Variants in PHKA1 observed in about 807,000 individuals in gnomAD.
The protein encoded by PHKA1 is phosphorylase kinase regulatory subunit alpha 1, also known as phosphorylase b kinase regulatory subunit alpha, skeletal muscle isoform.
PHKA1 carries 60 observed loss-of-function variants against 110.2 expected under a neutral mutation model. The ratio of observed to expected loss-of-function variants is 0.54; its 90% confidence interval spans 0.44 to 0.68. PHKA1 has a LOEUF of 0.68. PHKA1 is among the 30% of genes least tolerant of loss of function. The pLI, the probability that PHKA1 is intolerant of heterozygous loss-of-function variation, is 0.00. For synonymous variants in PHKA1, 316 were observed against 333.6 expected (o/e 0.95, Z 0.58); for missense variants, 801 against 942.5 (o/e 0.85, Z 1.97).
At chrX:72,653,331 A>T in intron 11 of PHKA1, 104 bp downstream of exon 11, 1 of 552,639 alleles carries the variant, frequency 1.8e-6, no homozygotes, top group Non-Finnish European at 3.2e-6. Flanking sequence ...AGCTTTCAGA[A>T]CAACAAAATA....
In PHKA1 at chrX:72,657,722, T is replaced by G. The variant is rs2147768447; in HGVS notation, c.865-81A>C. The G allele has an allele frequency of 1.1e-5, 8 of 757,295 alleles. No individual in the cohort carries two copies. The South Asian group carries it at 1.8e-4, about 17-fold the overall frequency. 62.4% of individuals were successfully genotyped at this position (757,295 alleles called of 1,213,427 possible). On this transcript the variant is annotated intron_variant, in intron 8 of 31. Coordinates refer to ENST00000373542, the MANE Select transcript of PHKA1 (RefSeq NM_002637.4). Reference sequence around the variant, plus strand: ...TAATCAGAAATACATCCTTGCAACATCTATATGTACCACCAACCTATCACC... The same window carrying G: ...TAATCAGAAATACATCCTTGCAACAGCTATATGTACCACCAACCTATCACC...
chrX:72,708,946 T>C (rs890831217), intron 2 of PHKA1, among the ~76,000 whole-genome samples: 36 of 111,769 alleles, frequency 3.2e-4, no homozygotes, highest in African/African-American at 1.2e-3. Context: ...GGGTGGTTGG[T>C]AGAATGGAGA....
chrX:72,671,983 C>T (rs1369254469), intron 6 of PHKA1, among the ~76,000 whole-genome samples: 8 of 111,951 alleles, frequency 7.1e-5, no homozygotes, highest in African/African-American at 2.6e-4. Context: ...CCATAAAAAC[C>T]CTAGAAGAAA....
At chrX:72,647,533 T>C (rs1376677284) in intron 13 of PHKA1, among the ~76,000 whole-genome samples, 1 of 111,767 alleles carries the variant, frequency 8.9e-6, no homozygotes, top group Non-Finnish European at 1.9e-5. Flanking sequence ...TCAAGGAGAA[T>C]ACATAGAGAA....
Position 72,714,044 on chromosome X carries a change from C to T in PHKA1, c.-164G>A, listed in dbSNP as rs2054426839. Reference sequence around the variant, plus strand: ...CGCTCAGGCCTGGCGCCGCGGATTCCGCGTACCTCTCCGGACTCCGGCGGC... The same window carrying T: ...CGCTCAGGCCTGGCGCCGCGGATTCTGCGTACCTCTCCGGACTCCGGCGGC... On this transcript the variant is annotated 5_prime_UTR_variant, in exon 1 of 32. Coordinates refer to ENST00000373542, the MANE Select transcript of PHKA1 (RefSeq NM_002637.4). 2.0e-6 allele frequency: 1 copy of T among 498,461 alleles called. No homozygotes were observed. Among genetic ancestry groups the T allele is most frequent in the Non-Finnish European group, 3.5e-6 (1 of 286,784 alleles). The allele number at this position is 498,461 out of a possible 1,213,427, so 41.1% of individuals were successfully genotyped here.
At chrX:72,630,352 C>T (rs1386518359) in intron 16 of PHKA1, among the ~76,000 whole-genome samples, 1 of 109,029 alleles carries the variant, frequency 9.2e-6, no homozygotes, top group Non-Finnish European at 1.9e-5. Flanking sequence ...TGGAGAAAGT[C>T]TATTGTATTT....
chrX:72,587,486 A>T (rs1259521239), intron 29 of PHKA1, among the ~76,000 whole-genome samples: 10 of 111,964 alleles, frequency 8.9e-5, no homozygotes, highest in Non-Finnish European at 1.9e-4. Flanking sequence ...AACATGCCAA[A>T]TTGTAAAGAC....
At chrX:72,689,442 G>T (rs1556320080) in intron 4 of PHKA1, among the ~76,000 whole-genome samples, 3 of 111,120 alleles carry the variant, frequency 2.7e-5, no homozygotes, top group Non-Finnish European at 5.7e-5. Context: ...TTTATGTCTG[G>T]GTTCTTTCAC....
Position 72,656,159 on chromosome X carries a change from G to A in PHKA1, c.1002C>T (p.Tyr334=). 1 of 1,210,110 alleles carries A rather than the reference G, an allele frequency of 8.3e-7. No individual in the cohort carries two copies. Among genetic ancestry groups the A allele is most frequent in the Non-Finnish European group, 1.1e-6 (1 of 893,915 alleles). ...IECEWPLFWT[Y]FILDGVFSGN... Reference sequence around the variant, plus strand: ...CACTGAAGACCCCATCAAGAATAAAGTATGTCCAGAACAATGGCCATTCAC... The same window carrying A: ...CACTGAAGACCCCATCAAGAATAAAATATGTCCAGAACAATGGCCATTCAC... The change falls in exon 10 of 32, where the codon TAC becomes TAT. Residue 334 remains tyrosine, a synonymous_variant. Transcript: ENST00000373542.
chrX:72,713,698 A>ACACACC (rs1483324205), intron 1 of PHKA1, 105 bp downstream of exon 1: 19 of 613,934 alleles, frequency 3.1e-5, no homozygotes, highest in South Asian at 2.3e-5. Flanking sequence ...ACACACACAC[A>ACACACC]CACCCACACA....
At chrX:72,611,380 C>T (rs957996955) in intron 21 of PHKA1, among the ~76,000 whole-genome samples, 196 bp from the exon 22 acceptor site, 1 of 111,866 alleles carries the variant, frequency 8.9e-6, no homozygotes, top group Non-Finnish European at 1.9e-5. Context: ...AAGAATAAGT[C>T]TTAGTTTTAG....
chrX:72,627,979 G>A (rs1428666356), intron 16 of PHKA1, among the ~76,000 whole-genome samples: 1 of 108,787 alleles, frequency 9.2e-6, no homozygotes, highest in African/African-American at 3.4e-5. Context: ...CACCACGCCT[G>A]GCTAATTTTT....
At chrX:72,712,396 T>G (rs185462037) in intron 2 of PHKA1, 12 of 198,362 alleles carry the variant, frequency 6.0e-5, no homozygotes, top group African/African-American at 3.2e-4. Flanking sequence ...ACACCACAAT[T>G]TTTAAAAATG....
chrX:72,690,352 C>A (rs1360121761), intron 4 of PHKA1, among the ~76,000 whole-genome samples: 8 of 111,195 alleles, frequency 7.2e-5, no homozygotes, highest in African/African-American at 2.6e-4. Context: ...GTCCTCCCCC[C>A]AAAAATTTGT....
At chrX:72,636,422 A>G (rs1173266120) in intron 14 of PHKA1, 36 bp from the exon 15 acceptor site, 2 of 851,171 alleles carry the variant, frequency 2.3e-6, no homozygotes, top group African/African-American at 2.0e-5. Flanking sequence ...AAATATTTCT[A>G]GAGCACAAAT....
chrX:72,659,198 TGATA>T (rs1330148167), intron 8 of PHKA1, among the ~76,000 whole-genome samples: 2 of 111,884 alleles, frequency 1.8e-5, no homozygotes, highest in Non-Finnish European at 3.8e-5. Flanking sequence ...TCCAATACTA[TGATA>T]GTTATTTTAT....
intron 6 of PHKA1, among the ~76,000 whole-genome samples, chrX:72,674,260 T>C (rs2053747262): frequency 9.0e-6 from 1 of 110,826 alleles, no homozygotes; most frequent in Non-Finnish European, 1.9e-5. Context: ...AGTGCCACAA[T>C]AAACATATGT....
At chrX:72,681,572 C>T (rs1413865896) in intron 5 of PHKA1, among the ~76,000 whole-genome samples, 1 of 85,798 alleles carries the variant, frequency 1.2e-5, no homozygotes, top group Non-Finnish European at 2.4e-5. Context: ...CCCGGCCAGC[C>T]GCCCCGTCCG....
chrX:72,699,839 A>T (rs1259274324), intron 3 of PHKA1, among the ~76,000 whole-genome samples: 2 of 111,756 alleles, frequency 1.8e-5, no homozygotes, highest in African/African-American at 6.5e-5. Flanking sequence ...GGCAAAAAAC[A>T]ATTAAAGCTA....
Sources: allele counts gnomAD v4.1 joint callset (sites outside exome capture counted in the v4.1 genomes callset), GRCh38; gene constraint gnomAD v4.1.1; transcripts MANE v1.5; gene names NCBI Gene and HGNC (gene_info 2026-07-23, HGNC 2026-07-21).